Variants in GALNT17 observed in about 807,000 individuals in gnomAD.
GALNT17 encodes the protein polypeptide N-acetylgalactosaminyltransferase 17.
GALNT17 carries 29 observed loss-of-function variants against 63.7 expected under a neutral mutation model. The observed-to-expected ratio is 0.46, with a 90% CI of 0.34 to 0.62. The LOEUF is 0.62. Ranked by LOEUF, GALNT17 falls within the 20% of genes least tolerant of loss-of-function variation. The pLI is 0.01. For missense variants in GALNT17, 603 were observed against 799.6 expected, an observed-to-expected ratio of 0.75 and a Z score of 2.97; for synonymous variants, 305 against 318.3, an observed-to-expected ratio of 0.96 and a Z score of 0.45.
At chr7:71,346,896 A>AGT (rs1034428404) in intron 2 of GALNT17, among the ~76,000 whole-genome samples, 5 of 152,030 alleles carry the variant, frequency 3.3e-5, no homozygotes, top group Admixed American at 1.3e-4. Flanking sequence ...CCTAGTATGT[A>AGT]GTGTAATACA....
intron 6 of GALNT17, among the ~76,000 whole-genome samples, chr7:71,631,170 A>G (rs1790447929): frequency 6.6e-6 from 1 of 152,014 alleles, no homozygotes; most frequent in Non-Finnish European, 1.5e-5. Flanking sequence ...GAAGTGTTTA[A>G]GTAGTAAATC....
intron 9 of GALNT17, among the ~76,000 whole-genome samples, chr7:71,704,862 A>T (rs1186524012): frequency 1.3e-5 from 2 of 151,992 alleles, no homozygotes; most frequent in East Asian, 1.9e-4. Context: ...CAGAAAAAAA[A>T]TTCAAAGGGC....
At chr7:71,416,954 A>G (rs1786544609) in intron 4 of GALNT17, among the ~76,000 whole-genome samples, 2 of 152,306 alleles carry the variant, frequency 1.3e-5, no homozygotes, top group Admixed American at 1.3e-4. Flanking sequence ...GGATGCACAA[A>G]GAGTGAGGCC....
intron 1 of GALNT17, among the ~76,000 whole-genome samples, chr7:71,208,228 C>T (rs902770229): frequency 6.6e-6 from 1 of 152,036 alleles, no homozygotes; most frequent in Non-Finnish European, 1.5e-5. Context: ...TGAGCCAGCA[C>T]GCCTGGCCCA....
At chr7:71,701,437 A>T (rs1268118469) in intron 9 of GALNT17, among the ~76,000 whole-genome samples, 1 of 152,026 alleles carries the variant, frequency 6.6e-6, no homozygotes, top group African/African-American at 2.4e-5. Flanking sequence ...CAGTGAGCCA[A>T]GATCACGCCA....
intron 1 of GALNT17, among the ~76,000 whole-genome samples, chr7:71,157,887 T>C (rs183127869): frequency 3.3e-5 from 5 of 151,864 alleles, no homozygotes; most frequent in African/African-American, 1.2e-4. Context: ...ATTTGCCTTT[T>C]TGTGCTTGGT....
At chr7:71,334,469 T>TTGTGTGTGTA (rs1791863633) in intron 1 of GALNT17, among the ~76,000 whole-genome samples, 1 of 150,178 alleles carries the variant, frequency 6.7e-6, no homozygotes, top group Non-Finnish European at 1.5e-5. Flanking sequence ...GTGTGTGTGA[T>TTGTGTGTGTA]TGTGTGTGTA....
At chr7:71,585,063 A>T (rs1413942882) in intron 6 of GALNT17, among the ~76,000 whole-genome samples, 1 of 152,182 alleles carries the variant, frequency 6.6e-6, no homozygotes, top group African/African-American at 2.4e-5. Flanking sequence ...GATGTCTTTA[A>T]CTTGTTCCTT....
At chr7:71,475,479 TTCTGCG>T (rs1421452709) in intron 5 of GALNT17, among the ~76,000 whole-genome samples, 1 of 152,114 alleles carries the variant, frequency 6.6e-6, no homozygotes, top group Non-Finnish European at 1.5e-5. Context: ...ACAATAGGGT[TTCTGCG>T]TCCATAAGAA....
chr7:71,387,567 G>A (rs368777347), intron 2 of GALNT17, among the ~76,000 whole-genome samples: 14 of 152,064 alleles, frequency 9.2e-5, no homozygotes, highest in Middle Eastern at 3.2e-3. Flanking sequence ...CTCAAGCGAC[G>A]CTCCCACGTC....
chr7:71,362,237 C>T (rs1002440544), intron 2 of GALNT17, among the ~76,000 whole-genome samples: 3 of 152,134 alleles, frequency 2.0e-5, no homozygotes, highest in Non-Finnish European at 4.4e-5. Flanking sequence ...GGATTATAGG[C>T]GTGAGCCACC....
chr7:71,628,829 G>C (rs1790413955), intron 6 of GALNT17, among the ~76,000 whole-genome samples: 1 of 152,126 alleles, frequency 6.6e-6, no homozygotes, highest in Non-Finnish European at 1.5e-5. Flanking sequence ...CTACTCAGGA[G>C]GCTGAGGCAC....
At chr7:71,391,689 G>A (rs1304845000) in intron 3 of GALNT17, among the ~76,000 whole-genome samples, 1 of 152,070 alleles carries the variant, frequency 6.6e-6, no homozygotes, top group Non-Finnish European at 1.5e-5. Context: ...GTTTTGGCAT[G>A]TTGCTTAGGC....
At chr7:71,296,681 A>C (rs926990051) in intron 1 of GALNT17, among the ~76,000 whole-genome samples, 6 of 150,786 alleles carry the variant, frequency 4.0e-5, no homozygotes, top group Admixed American at 1.3e-4. Flanking sequence ...ATATATGTAT[A>C]TAAATTTGGC....
intron 6 of GALNT17, among the ~76,000 whole-genome samples, chr7:71,600,556 A>G (rs1435327726): frequency 6.6e-6 from 1 of 152,044 alleles, no homozygotes; most frequent in African/African-American, 2.4e-5. Flanking sequence ...TTTATCTCCA[A>G]CTTTATAGAT....
At chr7:71,576,115 C>G (rs181724574) in intron 6 of GALNT17, among the ~76,000 whole-genome samples, 19 of 152,158 alleles carry the variant, frequency 1.2e-4, no homozygotes, top group Non-Finnish European at 5.9e-5. Context: ...TATATCAGTC[C>G]ATTTACGAAG....
At chr7:71,502,847 C>T (rs933870801) in intron 5 of GALNT17, among the ~76,000 whole-genome samples, 1 of 152,198 alleles carries the variant, frequency 6.6e-6, no homozygotes, top group Non-Finnish European at 1.5e-5. Flanking sequence ...ATGTGTTCCA[C>T]AGCATGAAGT....
intron 6 of GALNT17, among the ~76,000 whole-genome samples, chr7:71,654,277 G>A (rs562395330): frequency 5.3e-5 from 8 of 152,168 alleles, no homozygotes; most frequent in African/African-American, 1.9e-4. Context: ...CCTTGTGATC[G>A]GCAACCGAAA....
At chr7:71,263,743 G>A (rs1209754329) in intron 1 of GALNT17, among the ~76,000 whole-genome samples, 1 of 152,004 alleles carries the variant, frequency 6.6e-6, no homozygotes, top group Non-Finnish European at 1.5e-5. Flanking sequence ...CTAACACGGT[G>A]AAACCCCGTC....
Sources: allele counts gnomAD v4.1 joint callset (sites outside exome capture counted in the v4.1 genomes callset), GRCh38; gene constraint gnomAD v4.1.1; transcripts MANE v1.5; gene names NCBI Gene and HGNC (gene_info 2026-07-23, HGNC 2026-07-21).